SYNE2: variants seen among roughly 807,000 people sequenced by gnomAD.
SYNE2 encodes the protein nesprin-2.
A neutral mutation model predicts 856.3 loss-of-function variants in SYNE2; 431 were observed. That is an observed-to-expected ratio of 0.50 (90% CI 0.47 to 0.55). The LOEUF is 0.55. Among genes scored for constraint, SYNE2 ranks in the 20% least tolerant of loss-of-function variants. SYNE2 has a pLI of 0.00. For missense variants in SYNE2, 8,129 were observed against 8,023.2 expected (o/e 1.01, Z -0.50); for synonymous variants, 2,923 against 2,872.3 (o/e 1.02, Z -0.56).
chr14:63,990,328 T>G, intron 19 of SYNE2, 83 bp from the exon 20 acceptor site: 1 of 1,401,846 alleles, frequency 7.1e-7, no homozygotes, highest in Non-Finnish European at 9.9e-7. Flanking sequence ...ATGAACTTTT[T>G]TGGTTTCCTG....
At chr14:63,858,262 CTTTTTTTTTTTTTTTTTT>C (rs61091259) in intron 1 of SYNE2, among the ~76,000 whole-genome samples, 44 of 52,900 alleles carry the variant, frequency 8.3e-4, no homozygotes, top group Admixed American at 2.1e-3. Flanking sequence ...CCACACCGGC[CTTTTTTTTTTTTTTTTTT>C]TTTTTTTTTT....
chr14:63,957,041 T>C (rs2096249249), intron 8 of SYNE2, among the ~76,000 whole-genome samples: 1 of 152,118 alleles, frequency 6.6e-6, no homozygotes, highest in Admixed American at 6.6e-5. Flanking sequence ...ATATATGGTC[T>C]TTGTGACTGG....
chr14:63,767,175 C>T (rs1261968036), intron 1 of SYNE2, among the ~76,000 whole-genome samples: 2 of 149,834 alleles, frequency 1.3e-5, no homozygotes, highest in South Asian at 2.1e-4. Context: ...GGCGCAATCT[C>T]GGCTCACTGC....
intron 1 of SYNE2, among the ~76,000 whole-genome samples, chr14:63,779,426 G>A (rs139978054): frequency 4.4e-4 from 60 of 136,912 alleles, no homozygotes; most frequent in Admixed American, 1.4e-3. Context: ...TCACTACTGC[G>A]CTTGACTGGT....
intron 84 of SYNE2, among the ~76,000 whole-genome samples, chr14:64,150,440 C>G (rs1270918441): frequency 6.6e-6 from 1 of 151,822 alleles, no homozygotes; most frequent in East Asian, 1.9e-4. Context: ...AGGCTGGTGT[C>G]AAACTCCTGG....
intron 10 of SYNE2, among the ~76,000 whole-genome samples, chr14:63,966,589 C>G (rs1420754326): frequency 1.3e-5 from 2 of 151,516 alleles, no homozygotes; most frequent in Non-Finnish European, 2.9e-5. Flanking sequence ...GACAGGATCT[C>G]TCTCTTTCTC....
At chr14:64,118,423 A>G (rs1175362134) in intron 66 of SYNE2, among the ~76,000 whole-genome samples, 2 of 152,308 alleles carry the variant, frequency 1.3e-5, no homozygotes, top group African/African-American at 4.8e-5. Flanking sequence ...TCAGGTTCCA[A>G]ATTATTTCTT....
At chr14:64,153,526 G>C (rs933296542) in intron 85 of SYNE2, among the ~76,000 whole-genome samples, 1 of 152,176 alleles carries the variant, frequency 6.6e-6, no homozygotes, top group Non-Finnish European at 1.5e-5. Flanking sequence ...GGAATAACCT[G>C]CATGAAATCC....
intron 51 of SYNE2, among the ~76,000 whole-genome samples, chr14:64,069,776 C>T (rs1052524782): frequency 6.6e-6 from 1 of 152,178 alleles, no homozygotes; most frequent in African/African-American, 2.4e-5. Flanking sequence ...GGCTTTGTTT[C>T]TCAGCCTCTG....
intron 93 of SYNE2, among the ~76,000 whole-genome samples, chr14:64,169,848 TAAA>T (rs1188369945): frequency 1.3e-5 from 2 of 152,224 alleles, no homozygotes; most frequent in Non-Finnish European, 2.9e-5. Context: ...TAAAATTATG[TAAA>T]GTACACTCAA....
At chr14:63,788,687 C>T (rs1317291894) in intron 1 of SYNE2, among the ~76,000 whole-genome samples, 1 of 152,230 alleles carries the variant, frequency 6.6e-6, no homozygotes, top group Non-Finnish European at 1.5e-5. Flanking sequence ...GCTGCCTCCA[C>T]GGAGCATGCA....
intron 33 of SYNE2, among the ~76,000 whole-genome samples, chr14:64,017,045 C>T (rs1304572013): frequency 6.6e-6 from 1 of 151,894 alleles, no homozygotes; most frequent in Non-Finnish European, 1.5e-5. Context: ...ATGAAGAAGA[C>T]TAGACCCAGC....
intron 2 of SYNE2, among the ~76,000 whole-genome samples, chr14:63,930,361 A>C (rs151289021): frequency 6.6e-6 from 1 of 151,984 alleles, no homozygotes; most frequent in East Asian, 1.9e-4. Flanking sequence ...ATTTTATGGT[A>C]CATGAGTTAT....
intron 48 of SYNE2, among the ~76,000 whole-genome samples, chr14:64,054,142 C>T (rs2097250474): frequency 6.6e-5 from 10 of 152,178 alleles, no homozygotes; most frequent in Admixed American, 5.9e-4. Flanking sequence ...GGTTTGTAAT[C>T]GTGACTCATA....
At chr14:63,975,887 C>T (rs79269521) in intron 11 of SYNE2, among the ~76,000 whole-genome samples, 3 of 152,106 alleles carry the variant, frequency 2.0e-5, no homozygotes, top group South Asian at 4.1e-4. Context: ...AATGAATGAA[C>T]GTGTGAGTGA....
intron 1 of SYNE2, among the ~76,000 whole-genome samples, chr14:63,814,406 T>C (rs1888747205): frequency 6.8e-6 from 1 of 146,638 alleles, no homozygotes; most frequent in Non-Finnish European, 1.5e-5. Context: ...CATAAACATA[T>C]CCATATATAT....
chr14:64,200,995 T>C (rs1178673728), intron 99 of SYNE2, among the ~76,000 whole-genome samples: 1 of 152,228 alleles, frequency 6.6e-6, no homozygotes, highest in Non-Finnish European at 1.5e-5. Context: ...TAAAGCGTGA[T>C]TGTAGCATCA....
Position 64,172,268 on chromosome 14 carries a change from G to A in SYNE2, c.17235+1806G>A, listed in dbSNP as rs544509771. On this transcript the variant is annotated intron_variant, in intron 94 of 115. Coordinates refer to ENST00000555002, the MANE Select transcript of SYNE2 (RefSeq NM_182914.3). ...ATAATGACACTCATCATTCTGTCTC[G>A]TCATTCTTGGGGTTGACAGGAGTTG... Among the ~76,000 whole-genome samples the A allele has an allele frequency of 1.1e-4, 16 of 152,258 alleles. No individual in the cohort carries two copies. The South Asian group carries it at 1.7e-3, about 16-fold the overall frequency.
Position 64,137,997 on chromosome 14 carries a change from G to C in SYNE2, c.14843+14G>C. Reference sequence around the variant, plus strand: ...GCATCTGCTCAGGTCAGCCTTTTTGGGGGTGGATTGGCTTCATATTGTGCT... The same window carrying C: ...GCATCTGCTCAGGTCAGCCTTTTTGCGGGTGGATTGGCTTCATATTGTGCT... On this transcript the variant is annotated intron_variant, in intron 79 of 115. Coordinates refer to ENST00000555002, the MANE Select transcript of SYNE2 (RefSeq NM_182914.3). The C allele has an allele frequency of 1.9e-6, 3 of 1,608,920 alleles. No individual in the cohort carries two copies. Among genetic ancestry groups the C allele is most frequent in the Non-Finnish European group, 2.5e-6 (3 of 1,177,534 alleles).
Sources: allele counts gnomAD v4.1 joint callset (sites outside exome capture counted in the v4.1 genomes callset), GRCh38; gene constraint gnomAD v4.1.1; transcripts MANE v1.5; gene names NCBI Gene and HGNC (gene_info 2026-07-23, HGNC 2026-07-21).